Variants in KIF26B observed in about 807,000 individuals in gnomAD.
KIF26B encodes kinesin family member 26B.
A neutral mutation model predicts 151.2 loss-of-function variants in KIF26B; 63 were observed. That is an observed-to-expected ratio of 0.42 (90% CI 0.34 to 0.51). KIF26B has a LOEUF of 0.51. KIF26B is among the 20% of genes least tolerant of loss of function. The pLI is 0.07. For missense variants in KIF26B, 2,813 were observed against 2,913.6 expected (o/e 0.97, Z 0.79); for synonymous variants, 1,357 against 1,262.1 (o/e 1.08, Z -1.59).
chr1:245,204,588 G>A (rs900561497), intron 2 of KIF26B, among the ~76,000 whole-genome samples: 19 of 152,014 alleles, frequency 1.2e-4, no homozygotes, highest in Admixed American at 1.0e-3. Context: ...TGGCCAGGCT[G>A]GTCTCGAGCT....
chr1:245,395,982 A>G (rs777068634), intron 3 of KIF26B, among the ~76,000 whole-genome samples: 7 of 152,140 alleles, frequency 4.6e-5, no homozygotes, highest in Non-Finnish European at 8.8e-5. Flanking sequence ...AAAATTCACA[A>G]CTGTGGCAGC....
chr1:245,702,663 C>T lies in KIF26B; in HGVS notation c.*57C>T. On this transcript the variant is annotated 3_prime_UTR_variant, in exon 15 of 15. Transcript: ENST00000407071. This position sits in a 1 kb window ranked among gnomAD's most constrained non-coding sequence, Gnocchi z 4.1. ...GCTCCCCAGGACTTCAGAGATGTTG[C>T]ACGCCCCTAGGCCCTCTGTGCTGGG... 1 of 1,573,932 alleles carries T rather than the reference C, an allele frequency of 6.4e-7. No individual in the cohort carries two copies. The highest frequency in any genetic ancestry group is 8.7e-7 in the Non-Finnish European group (1 of 1,155,616).
intron 2 of KIF26B, among the ~76,000 whole-genome samples, chr1:245,301,537 G>A (rs1273186217): frequency 6.6e-6 from 1 of 152,116 alleles, no homozygotes; most frequent in Non-Finnish European, 1.5e-5. Context: ...GGTACTCTGG[G>A]GGTTGGACCC....
chr1:245,385,711 G>A (rs764573605), intron 3 of KIF26B, among the ~76,000 whole-genome samples: 10 of 152,204 alleles, frequency 6.6e-5, no homozygotes, highest in Admixed American at 2.6e-4. Context: ...CTACAGACAC[G>A]GCCCTTGGTA....
At chr1:245,394,425 C>T (rs1164506717) in intron 3 of KIF26B, among the ~76,000 whole-genome samples, 2 of 152,094 alleles carry the variant, frequency 1.3e-5, no homozygotes, top group African/African-American at 4.8e-5. Flanking sequence ...GAGTTCAAGA[C>T]AAACCTGGCC....
chr1:245,243,387 A>G (rs1573729200), intron 2 of KIF26B, among the ~76,000 whole-genome samples: 1 of 151,764 alleles, frequency 6.6e-6, no homozygotes, highest in Non-Finnish European at 1.5e-5. Context: ...CATTTGATGC[A>G]TATGTTGTCC....
chr1:245,322,402 A>G (rs1252157761), intron 2 of KIF26B, among the ~76,000 whole-genome samples: 1 of 152,178 alleles, frequency 6.6e-6, no homozygotes, highest in Non-Finnish European at 1.5e-5. Context: ...TAAATAAATA[A>G]AAATCACACA....
chr1:245,367,323 T>C lies in KIF26B; in HGVS notation c.955T>C (p.Trp319Arg). 6.3e-7 allele frequency: 1 copy of C among 1,596,538 alleles called. No individual in the cohort carries two copies. The highest frequency in any genetic ancestry group is 8.5e-7 in the Non-Finnish European group (1 of 1,171,638). The change falls in exon 3 of 15, where the codon TGG becomes CGG. Residue 319 changes from tryptophan to arginine, a missense_variant. Trp to Arg is a moderately radical substitution (Grantham distance 101). Coordinates refer to ENST00000407071, the MANE Select transcript of KIF26B (RefSeq NM_018012.4). This position sits in a 1 kb window ranked among gnomAD's most constrained non-coding sequence, Gnocchi z 4.2. ...IQAHQYLDGT[W>R]SLSRTNGVTL... ...GGCTCACCAGTACCTGGATGGCACC[T>C]GGTCCCTGTCGAGAACCAACGGGGT...
At chr1:245,552,166 TGTGTGG>T (rs1175313414) in intron 5 of KIF26B, among the ~76,000 whole-genome samples, 1 of 132,718 alleles carries the variant, frequency 7.5e-6, no homozygotes, top group Admixed American at 7.8e-5. Flanking sequence ...TGTGTGTGTG[TGTGTGG>T]AGTGGGGGTG....
intron 3 of KIF26B, among the ~76,000 whole-genome samples, chr1:245,404,248 C>T: frequency 6.7e-6 from 1 of 149,962 alleles, no homozygotes; most frequent in Non-Finnish European, 1.5e-5. Flanking sequence ...TCTTTTAACT[C>T]AGGATTAGAT....
intron 2 of KIF26B, among the ~76,000 whole-genome samples, chr1:245,179,347 G>T (rs1336758725): frequency 2.0e-5 from 3 of 152,178 alleles, no homozygotes; most frequent in Non-Finnish European, 1.5e-5. Context: ...AAGGAGGCCG[G>T]GCGCAGTGGC....
chr1:245,251,672 G>A (rs940458209), intron 2 of KIF26B, among the ~76,000 whole-genome samples: 32 of 152,220 alleles, frequency 2.1e-4, no homozygotes, highest in African/African-American at 6.5e-4. Flanking sequence ...ACTGTTTATT[G>A]AATGGTCTAT....
At chr1:245,591,792 A>G (rs1291146679) in intron 5 of KIF26B, among the ~76,000 whole-genome samples, 2 of 152,050 alleles carry the variant, frequency 1.3e-5, no homozygotes, top group East Asian at 1.9e-4. Flanking sequence ...CAGAGTCCCA[A>G]TCCTTTCTGA....
rs569961516 is a variant in KIF26B, at chr1:245,597,222, A to T, written c.1351-5355A>T. Among the ~76,000 whole-genome samples, 1 of 152,322 alleles carries T rather than the reference A, an allele frequency of 6.6e-6. No homozygotes were observed. The highest frequency in any genetic ancestry group is 2.4e-5 in the African/African-American group (1 of 41,580). ...TTAGTCGATGCAGTTTTTTCATAGC[A>T]TGAATGGTCTTTACAATTTGGTATC... On this transcript the variant is annotated intron_variant, in intron 5 of 14. Coordinates refer to ENST00000407071, the MANE Select transcript of KIF26B (RefSeq NM_018012.4). The surrounding 1 kb of genome is among the most constrained non-coding windows in gnomAD (Gnocchi z 4.6).
rs1010754883 is a variant in KIF26B, at chr1:245,488,079, C to T, written c.1167-52688C>T. 8.5e-5 allele frequency among the ~76,000 whole-genome samples: 13 copies of T among 152,202 alleles called. No homozygotes were observed. The highest frequency in any genetic ancestry group is 2.2e-4 in the African/African-American group (9 of 41,528). Reference sequence around the variant, plus strand: ...CTGGGATTACAGGCATGAGCTGCCACGCCCGGCCATGTATCTTTTTAAGTA... The same window carrying T: ...CTGGGATTACAGGCATGAGCTGCCATGCCCGGCCATGTATCTTTTTAAGTA... On this transcript the variant is annotated intron_variant, in intron 4 of 14. Transcript: ENST00000407071. The surrounding 1 kb of genome is among the most constrained non-coding windows in gnomAD (Gnocchi z 4.6).
chr1:245,292,539 C>CA lies in KIF26B; in HGVS notation c.466-74294dup, dbSNP rs558287441. 3.1e-3 allele frequency among the ~76,000 whole-genome samples: 469 copies of CA among 152,304 alleles called. 2 individuals are homozygous for CA. The highest frequency in any genetic ancestry group is 0.011 in the African/African-American group (443 of 41,570). On this transcript the variant is annotated intron_variant, in intron 2 of 14. Coordinates refer to ENST00000407071, the MANE Select transcript of KIF26B (RefSeq NM_018012.4). ...CACCTGCCTCTACTTCCCCCTTGCC[C>CA]ATATTCCCCCCATTGGGTACTATTT...
intron 4 of KIF26B, among the ~76,000 whole-genome samples, chr1:245,453,890 G>A (rs918964271): frequency 1.3e-5 from 2 of 152,130 alleles, no homozygotes; most frequent in African/African-American, 4.8e-5. Context: ...CTTCCATGTA[G>A]AAATGATGTC....
chr1:245,534,920 T>C (rs1017824466), intron 4 of KIF26B, among the ~76,000 whole-genome samples: 1 of 152,040 alleles, frequency 6.6e-6, no homozygotes, highest in African/African-American at 2.4e-5. Flanking sequence ...GTAGCTGGCA[T>C]TACAGGCATG....
At chr1:245,285,161 G>A (rs1377942968) in intron 2 of KIF26B, among the ~76,000 whole-genome samples, 1 of 152,238 alleles carries the variant, frequency 6.6e-6, no homozygotes, top group African/African-American at 2.4e-5. Flanking sequence ...CTGTGGGCTG[G>A]GTTCAGCCTG....
Sources: allele counts gnomAD v4.1 joint callset (sites outside exome capture counted in the v4.1 genomes callset), GRCh38; gene constraint gnomAD v4.1.1; non-coding constraint Gnocchi (gnomAD v3.1); transcripts MANE v1.5; gene names NCBI Gene and HGNC (gene_info 2026-07-23, HGNC 2026-07-21).